PEX5L: variants seen among roughly 807,000 people sequenced by gnomAD.
PEX5L encodes peroxisomal biogenesis factor 5 like.
Under a neutral mutation model 84.0 loss-of-function variants are expected in PEX5L, and 30 were observed. The observed-to-expected ratio is 0.36, with a 90% CI of 0.27 to 0.48. The LOEUF (loss-of-function observed/expected upper bound fraction) is 0.48, where lower values mean the gene tolerates loss of function less well. Ranked by LOEUF, PEX5L falls within the 20% of genes least tolerant of loss-of-function variation. The pLI is 0.99. For synonymous variants in PEX5L, 270 were observed against 283.1 expected (o/e 0.95, Z 0.46); for missense variants, 533 against 754.6 (o/e 0.71, Z 3.44).
intron 8 of PEX5L, among the ~76,000 whole-genome samples, chr3:179,832,991 A>C (rs34567072): frequency 0.078 from 11,937 of 152,296 alleles, 675 homozygotes; most frequent in Non-Finnish European, 0.12. Context: ...TAGGCTAAGG[A>C]TGGGAGTGGA....
intron 2 of PEX5L, among the ~76,000 whole-genome samples, chr3:179,951,281 T>G (rs558354885): frequency 6.6e-6 from 1 of 152,296 alleles, no homozygotes; most frequent in East Asian, 1.9e-4. Flanking sequence ...GATTACTAGC[T>G]TTCTACTCCC....
chr3:179,973,036 T>G (rs532859021), intron 1 of PEX5L: 1 of 405,730 alleles, frequency 2.5e-6, no homozygotes, highest in African/African-American at 2.1e-5. Context: ...TCAAGCTGAC[T>G]TCCTTCCTAT....
Position 179,795,397 on chromosome 3 carries a change from C to T in PEX5L, c.*6431G>A, listed in dbSNP as rs1716537443. 6.6e-6 allele frequency: 1 copy of T among 152,114 alleles called. No homozygotes were observed. Among genetic ancestry groups the T allele is most frequent in the South Asian group, 2.1e-4 (1 of 4,822 alleles). The allele number at this position is 152,114 out of a possible 1,614,324, so 9.4% of individuals were successfully genotyped here. On this transcript the variant is annotated 3_prime_UTR_variant, in exon 15 of 15. Coordinates refer to ENST00000467460, the MANE Select transcript of PEX5L (RefSeq NM_016559.3). ...TTAGAAGCCAACTGAGTAAATTAAA[C>T]ACATCAATATGATAAGAGGTTATTT... is the stretch of plus-strand genomic sequence containing the variant.
intron 2 of PEX5L, among the ~76,000 whole-genome samples, chr3:179,970,620 C>T (rs1253389483): frequency 1.3e-5 from 2 of 152,122 alleles, no homozygotes; most frequent in African/African-American, 4.8e-5. Flanking sequence ...ACAAGCAAGT[C>T]TCTAAGTCAG....
intron 1 of PEX5L, among the ~76,000 whole-genome samples, chr3:179,987,143 T>A (rs1786928110): frequency 6.6e-6 from 1 of 152,124 alleles, no homozygotes; most frequent in Non-Finnish European, 1.5e-5. Flanking sequence ...GAAAAAAAAA[T>A]TAATTAATAC....
At chr3:179,914,116 G>A (rs549148806) in intron 2 of PEX5L, among the ~76,000 whole-genome samples, 4 of 152,232 alleles carry the variant, frequency 2.6e-5, no homozygotes, top group Admixed American at 2.0e-4. Flanking sequence ...CATCTCCTTA[G>A]GTGCAAACAT....
At chr3:179,885,664 G>C (rs13099005) in intron 4 of PEX5L, among the ~76,000 whole-genome samples, 22,654 of 151,172 alleles carry the variant, frequency 0.15, 1,834 homozygotes, top group South Asian at 0.32. Context: ...AAAAAAAAGC[G>C]GGGGGTGGAA....
intron 3 of PEX5L, among the ~76,000 whole-genome samples, chr3:179,897,691 C>T: frequency 6.6e-6 from 1 of 152,042 alleles, no homozygotes; most frequent in Non-Finnish European, 1.5e-5. Flanking sequence ...TGCATAGTCA[C>T]AACATAAATA....
At chr3:180,016,981 G>T (rs1341274247) in intron 1 of PEX5L, among the ~76,000 whole-genome samples, 1 of 151,892 alleles carries the variant, frequency 6.6e-6, no homozygotes, top group Non-Finnish European at 1.5e-5. Context: ...TAAAAAGAGT[G>T]AGTAATGTTC....
At chr3:179,874,997 A>C (rs961352258) in intron 6 of PEX5L, among the ~76,000 whole-genome samples, 1 of 151,776 alleles carries the variant, frequency 6.6e-6, no homozygotes, top group Non-Finnish European at 1.5e-5. Context: ...GAGCAAACCA[A>C]AAAAGGTACC....
chr3:179,959,977 G>A (rs963541208), intron 2 of PEX5L, among the ~76,000 whole-genome samples: 1 of 151,922 alleles, frequency 6.6e-6, no homozygotes, highest in African/African-American at 2.4e-5. Flanking sequence ...CCAAGTAATA[G>A]AGTCTCAGAT....
At chr3:179,964,925 A>G (rs984800826) in intron 2 of PEX5L, among the ~76,000 whole-genome samples, 3 of 152,210 alleles carry the variant, frequency 2.0e-5, no homozygotes, top group Non-Finnish European at 4.4e-5. Context: ...TATTTTCCTC[A>G]TTTTATAGCA....
intron 8 of PEX5L, among the ~76,000 whole-genome samples, chr3:179,825,269 A>G (rs73058618): frequency 1.2e-4 from 18 of 152,320 alleles, no homozygotes; most frequent in Middle Eastern, 3.4e-3. Context: ...ATGAAAGGCA[A>G]TTCCAGGGGG....
chr3:179,828,816 C>A (rs1307964150), intron 8 of PEX5L, among the ~76,000 whole-genome samples: 1 of 152,044 alleles, frequency 6.6e-6, no homozygotes, highest in Admixed American at 6.6e-5. Context: ...GAATAAGAGT[C>A]TATGACATAG....
chr3:179,812,007 A>C, intron 10 of PEX5L, 136 bp from the exon 11 acceptor site: 2 of 674,962 alleles, frequency 3.0e-6, no homozygotes, highest in South Asian at 3.4e-5. Context: ...AAAAGGGAAA[A>C]ATATTGTATG....
At chr3:179,911,411 C>T (rs1233876240) in intron 2 of PEX5L, among the ~76,000 whole-genome samples, 2 of 150,474 alleles carry the variant, frequency 1.3e-5, no homozygotes, top group Non-Finnish European at 1.5e-5. Flanking sequence ...TGTGTGATCT[C>T]GGGCAGAGAT....
At chr3:179,827,486 T>C (rs1730967314) in intron 8 of PEX5L, among the ~76,000 whole-genome samples, 1 of 152,212 alleles carries the variant, frequency 6.6e-6, no homozygotes, top group African/African-American at 2.4e-5. Context: ...CAAGCCACTC[T>C]GACACCTTGT....
At chr3:179,810,040 G>T (rs1723171040) in intron 11 of PEX5L, among the ~76,000 whole-genome samples, 1 of 104,212 alleles carries the variant, frequency 9.6e-6, no homozygotes, top group Admixed American at 1.5e-4. Flanking sequence ...TTTAGACAGA[G>T]TCTCACTCTG....
chr3:179,973,652 T>G (rs990861587), intron 1 of PEX5L: 2 of 985,248 alleles, frequency 2.0e-6, no homozygotes, highest in Non-Finnish European at 2.4e-6. Flanking sequence ...TGCTAACAGA[T>G]AGAATGTCAG....
Sources: gnomAD v4.1 joint callset for allele counts (sites outside exome capture counted in the v4.1 genomes callset) on GRCh38, gnomAD v4.1.1 for gene constraint, MANE v1.5 for transcripts, NCBI Gene and HGNC (gene_info 2026-07-23, HGNC 2026-07-21) for gene names.